NETO1: variants seen among roughly 807,000 people sequenced by gnomAD.
The protein encoded by NETO1 is neuropilin and tolloid like 1.
NETO1 carries 26 observed loss-of-function variants against 61.3 expected under a neutral mutation model. The observed-to-expected ratio is 0.42, with a 90% confidence interval of 0.31 to 0.59. The LOEUF (loss-of-function observed/expected upper bound fraction) is 0.59. NETO1 is among the 20% of genes least tolerant of loss of function. The pLI, the probability that NETO1 is intolerant of heterozygous loss-of-function variation, is 0.12. For missense variants in NETO1, 531 were observed against 662.8 expected, an observed-to-expected ratio of 0.80 and a Z score of 2.18; for synonymous variants, 225 against 225.8, an observed-to-expected ratio of 1.00 and a Z score of 0.03.
chr18:72,794,283 G>A (rs771576896), intron 5 of NETO1, 39 bp from the exon 6 acceptor site: 1 of 1,613,854 alleles, frequency 6.2e-7, no homozygotes, highest in East Asian at 2.2e-5. Flanking sequence ...CAAAAACGGA[G>A]CTTGAATAAT....
chr18:72,780,390 AT>A (rs1012787249), intron 7 of NETO1, among the ~76,000 whole-genome samples: 19 of 152,186 alleles, frequency 1.2e-4, no homozygotes, highest in Non-Finnish European at 2.4e-4. Flanking sequence ...TTGAAACTCT[AT>A]TTTTTTGTAG....
At chr18:72,843,834 A>G (rs1169031659) in intron 4 of NETO1, among the ~76,000 whole-genome samples, 2 of 152,240 alleles carry the variant, frequency 1.3e-5, no homozygotes, top group Non-Finnish European at 2.9e-5. Context: ...TGTTTGTAAG[A>G]TAAGAGGCTA....
intron 1 of NETO1, 40 bp downstream of exon 1, chr18:72,867,224 G>T: frequency 1.3e-6 from 2 of 1,495,470 alleles, no homozygotes; most frequent in Non-Finnish European, 1.8e-6. Flanking sequence ...CGGGAGGGCT[G>T]GCTCCGGGAG....
intron 4 of NETO1, among the ~76,000 whole-genome samples, chr18:72,827,788 T>C (rs1188034271): frequency 6.6e-6 from 1 of 151,740 alleles, no homozygotes; most frequent in East Asian, 1.9e-4. Context: ...TTGGGCATGT[T>C]GAAAGGGACA....
At chr18:72,831,265 T>C (rs924793561) in intron 4 of NETO1, among the ~76,000 whole-genome samples, 5 of 152,178 alleles carry the variant, frequency 3.3e-5, no homozygotes, top group Non-Finnish European at 7.3e-5. Context: ...CCACATCTTC[T>C]AACAATGTAA....
At chr18:72,797,476 A>G (rs2072356553) in intron 4 of NETO1, among the ~76,000 whole-genome samples, 1 of 152,250 alleles carries the variant, frequency 6.6e-6, no homozygotes, top group African/African-American at 2.4e-5. Context: ...TTTTAAAAAC[A>G]GCCTAAATTG....
chr18:72,766,525 T>C (rs1655094405), intron 7 of NETO1, among the ~76,000 whole-genome samples: 1 of 152,114 alleles, frequency 6.6e-6, no homozygotes, highest in Non-Finnish European at 1.5e-5. Flanking sequence ...ATCACCTTCA[T>C]AGTTGTTTTG....
intron 6 of NETO1, among the ~76,000 whole-genome samples, chr18:72,789,670 G>C (rs1349035066): frequency 3.3e-5 from 5 of 152,106 alleles, no homozygotes; most frequent in Non-Finnish European, 7.4e-5. Context: ...GGGCAGATGA[G>C]GGTGAAAATC....
downstream of NETO1, among the ~76,000 whole-genome samples, chr18:72,743,294 T>A (rs2070369683): frequency 6.6e-6 from 1 of 152,148 alleles, no homozygotes; most frequent in Non-Finnish European, 1.5e-5. Context: ...TAGGTGGAAA[T>A]TTCTCCCTGC....
chr18:72,832,981 T>C (rs757181549), intron 4 of NETO1, among the ~76,000 whole-genome samples: 48 of 152,188 alleles, frequency 3.2e-4, no homozygotes, highest in Admixed American at 1.1e-3. Context: ...TATGTAAATG[T>C]CTCTAATGCT....
In NETO1 at chr18:72,867,428, G is replaced by A; in HGVS notation, c.-137C>T. On this transcript the variant is annotated 5_prime_UTR_variant, in exon 1 of 11. Transcript: ENST00000327305. ...GAAGGAAATAAAGGGGGGCCGAGAG[G>A]GAGACCGAGAGGAAGGGGGAGCTCC... 2 of 530,340 alleles carry A rather than the reference G, an allele frequency of 3.8e-6. No individual in the cohort carries two copies. Among genetic ancestry groups the A allele is most frequent in the Admixed American group, 4.0e-5 (1 of 25,264 alleles). The allele number at this position is 530,340 out of a possible 1,614,324, so 32.9% of individuals were successfully genotyped here.
At chr18:72,860,064 G>A (rs1456783517) in intron 3 of NETO1, among the ~76,000 whole-genome samples, 1 of 152,154 alleles carries the variant, frequency 6.6e-6, no homozygotes, top group African/African-American at 2.4e-5. Flanking sequence ...TTTGCTAATG[G>A]TCTTTCATTC....
intron 7 of NETO1, among the ~76,000 whole-genome samples, chr18:72,773,423 A>G (rs12966322): frequency 0.3 from 45,707 of 152,110 alleles, 8,037 homozygotes; most frequent in South Asian, 0.48. Flanking sequence ...GCTATTCACA[A>G]GTTCTGACTG....
At chr18:72,760,444 C>A (rs1440952132) in intron 7 of NETO1, among the ~76,000 whole-genome samples, 2 of 152,304 alleles carry the variant, frequency 1.3e-5, no homozygotes, top group Middle Eastern at 3.4e-3. Context: ...GTCCTGCCAA[C>A]AGGACAGAGA....
intron 4 of NETO1, among the ~76,000 whole-genome samples, chr18:72,797,032 C>T (rs1250986323): frequency 6.6e-6 from 1 of 152,134 alleles, no homozygotes; most frequent in Non-Finnish European, 1.5e-5. Flanking sequence ...ACAAGATTCC[C>T]TATTCTTCCT....
downstream of NETO1, among the ~76,000 whole-genome samples, chr18:72,743,084 T>C (rs1026004570): frequency 9.2e-5 from 14 of 152,216 alleles, no homozygotes; most frequent in Non-Finnish European, 1.6e-4. Context: ...AAAGTAGAAA[T>C]CTTAAGTTCC....
intron 4 of NETO1, among the ~76,000 whole-genome samples, chr18:72,841,142 T>C (rs891106545): frequency 6.6e-6 from 1 of 152,210 alleles, no homozygotes; most frequent in Non-Finnish European, 1.5e-5. Flanking sequence ...CCAGACTGTG[T>C]TTAAAAAATA....
rs1234473974 is a variant in NETO1, at chr18:72,789,201, A to C, written c.639+4916T>G. Among the ~76,000 whole-genome samples, 5 of 126,740 alleles carry C rather than the reference A, an allele frequency of 3.9e-5. No individual in the cohort carries two copies. The East Asian group carries it at 8.7e-4, about 22-fold the overall frequency. The allele number at this position is 126,740 out of a possible 152,430, so 83.1% of individuals were successfully genotyped here. ...ACATCTTAATGCTTTATAAAATATT[A>C]ACACACAAGCACACACACACACACA... On this transcript the variant is annotated intron_variant, in intron 6 of 10. Transcript: ENST00000327305.
chr18:72,747,128 AC>A lies in NETO1; in HGVS notation c.*1050del, dbSNP rs1169937649. ...ACCTCAATACTGAAGGACATCCTGT[AC>A]CCTAAAAGGTGGAAAGAGTTGACAT... On this transcript the variant is annotated 3_prime_UTR_variant, in exon 11 of 11. Coordinates refer to ENST00000327305, the MANE Select transcript of NETO1 (RefSeq NM_138966.5). 6.6e-6 allele frequency: 1 copy of A among 152,006 alleles called. No homozygotes were observed. Among genetic ancestry groups the A allele is most frequent in the Non-Finnish European group, 1.5e-5 (1 of 67,932 alleles). 9.4% of individuals were successfully genotyped at this position (152,006 alleles called of 1,614,324 possible).
Sources: allele counts gnomAD v4.1 joint callset (sites outside exome capture counted in the v4.1 genomes callset), GRCh38; gene constraint gnomAD v4.1.1; transcripts MANE v1.5; gene names NCBI Gene and HGNC (gene_info 2026-07-23, HGNC 2026-07-21).